Variants in DCAF10 observed in about 807,000 individuals in gnomAD.
The protein encoded by DCAF10 is DDB1 and CUL4 associated factor 10, also known as DDB1- and CUL4-associated factor 10.
In DCAF10, 19 loss-of-function variants were observed where a neutral mutation model predicts 51.9. That is an observed-to-expected ratio of 0.37 (90% confidence interval 0.26 to 0.54). The LOEUF is 0.54. DCAF10 is among the 20% of genes least tolerant of loss of function. The pLI is 0.87. For synonymous variants in DCAF10, 291 were observed against 297.1 expected (o/e 0.98, Z 0.21); for missense variants, 510 against 730.6 (o/e 0.70, Z 3.48).
intron 4 of DCAF10, among the ~76,000 whole-genome samples, chr9:37,856,770 T>C (rs1326021366): frequency 1.3e-5 from 2 of 152,076 alleles, no homozygotes; most frequent in East Asian, 3.9e-4. Flanking sequence ...CTGGGCAACA[T>C]AGCAAGATCC....
At chr9:37,816,042 C>T (rs947324671) in intron 1 of DCAF10, among the ~76,000 whole-genome samples, 1 of 152,154 alleles carries the variant, frequency 6.6e-6, no homozygotes, top group African/African-American at 2.4e-5. Flanking sequence ...AATCTTTCCT[C>T]CTTGGTCTCC....
intron 3 of DCAF10, among the ~76,000 whole-genome samples, chr9:37,851,672 G>C (rs1178709485): frequency 6.6e-6 from 1 of 151,390 alleles, no homozygotes; most frequent in East Asian, 1.9e-4. Context: ...GCAGGCGCTT[G>C]TAATCCCGGT....
chr9:37,860,107 C>G lies in DCAF10; in HGVS notation c.1225C>G (p.His409Asp), dbSNP rs373004810. The change falls in exon 6 of 7, where the codon CAC (histidine) becomes GAC (aspartate). Residue 409 changes from histidine to aspartate, a missense_variant. By Grantham distance (81) the His-to-Asp change is moderately conservative. Coordinates refer to ENST00000377724, the MANE Select transcript of DCAF10 (RefSeq NM_024345.5). Reference protein sequence around the residue: ...VTPEVLGESDHGNCITSLQLH... With the variant: ...VTPEVLGESDDGNCITSLQLH... ...CCCTGAAGTTCTTGGTGAGAGTGACCACGGAAACTGCATCACGTCCTTACA... is the reference window on the plus strand; with the variant it reads ...CCCTGAAGTTCTTGGTGAGAGTGACGACGGAAACTGCATCACGTCCTTACA... The G allele has an allele frequency of 1.2e-6, 2 of 1,613,944 alleles. No individual in the cohort carries two copies. The highest frequency in any genetic ancestry group is 2.7e-5 in the African/African-American group (2 of 74,878).
chr9:37,830,911 G>A (rs1395991857), intron 2 of DCAF10, among the ~76,000 whole-genome samples: 6 of 152,152 alleles, frequency 3.9e-5, no homozygotes, highest in Admixed American at 2.6e-4. Context: ...TTTGAAGCTC[G>A]TTTAGAAGTA....
At chr9:37,821,203 A>G (rs966633391) in intron 2 of DCAF10, among the ~76,000 whole-genome samples, 1 of 152,316 alleles carries the variant, frequency 6.6e-6, no homozygotes, top group East Asian at 1.9e-4. Flanking sequence ...TAACATGTTT[A>G]GAGATCATTT....
intron 2 of DCAF10, among the ~76,000 whole-genome samples, chr9:37,838,821 G>T (rs1830249248): frequency 6.6e-6 from 1 of 151,482 alleles, no homozygotes; most frequent in Admixed American, 6.6e-5. Context: ...AATGTAGGAG[G>T]TAGAGGTTGC....
chr9:37,862,105 G>A lies in DCAF10; in HGVS notation c.*597G>A, dbSNP rs948868602. 1.3e-5 allele frequency: 2 copies of A among 152,552 alleles called. No individual in the cohort carries two copies. Among genetic ancestry groups the A allele is most frequent in the African/African-American group, 2.4e-5 (1 of 41,434 alleles). The allele number at this position is 152,552 out of a possible 1,614,324, so 9.4% of individuals were successfully genotyped here. On this transcript the variant is annotated 3_prime_UTR_variant, in exon 7 of 7. Transcript: ENST00000377724. ...TGTTAAGATAGTCTTGCAACAAAAT[G>A]TCTTTTAAGTTTCCTGTTAAAATTA...
chr9:37,803,508 T>G (rs1829019519), intron 1 of DCAF10, among the ~76,000 whole-genome samples: 1 of 151,962 alleles, frequency 6.6e-6, no homozygotes, highest in African/African-American at 2.4e-5. Context: ...AAGATCATAC[T>G]AATTCTCATT....
chr9:37,827,917 C>T (rs983819946), intron 2 of DCAF10, among the ~76,000 whole-genome samples: 7 of 152,080 alleles, frequency 4.6e-5, no homozygotes, highest in African/African-American at 1.7e-4. Context: ...GAAAGTCTCC[C>T]TCTATTTTAG....
At chr9:37,834,236 C>T (rs990170603) in intron 2 of DCAF10, among the ~76,000 whole-genome samples, 1 of 152,064 alleles carries the variant, frequency 6.6e-6, no homozygotes, top group African/African-American at 2.4e-5. Context: ...CTGTGCCCAG[C>T]CATCTTTTTT....
chr9:37,850,081 T>C (rs1047604468), intron 3 of DCAF10, among the ~76,000 whole-genome samples: 10 of 152,074 alleles, frequency 6.6e-5, no homozygotes, highest in African/African-American at 2.4e-4. Context: ...TAGATAAAAG[T>C]GGGCCAAATT....
chr9:37,806,653 T>C (rs563673070), intron 1 of DCAF10, among the ~76,000 whole-genome samples: 1 of 152,324 alleles, frequency 6.6e-6, no homozygotes, highest in South Asian at 2.1e-4. Context: ...CATGGCAGGA[T>C]AGAATCTACA....
At chr9:37,850,741 C>CA (rs1830606312) in intron 3 of DCAF10, among the ~76,000 whole-genome samples, 1 of 148,016 alleles carries the variant, frequency 6.8e-6, no homozygotes, top group Admixed American at 6.9e-5. Context: ...TGACAATTTA[C>CA]TGTTGTTATT....
At chr9:37,825,082 C>CA (rs924479715) in intron 2 of DCAF10, among the ~76,000 whole-genome samples, 2 of 151,860 alleles carry the variant, frequency 1.3e-5, no homozygotes, top group South Asian at 2.1e-4. Context: ...ATTAAAAAGT[C>CA]AAAAAAATAC....
intron 1 of DCAF10, among the ~76,000 whole-genome samples, chr9:37,805,765 T>G (rs1312599078): frequency 6.6e-6 from 1 of 152,144 alleles, no homozygotes; most frequent in Admixed American, 6.5e-5. Flanking sequence ...TTGCAATAAC[T>G]ATAAGGTACT....
intron 3 of DCAF10, among the ~76,000 whole-genome samples, chr9:37,851,222 C>T (rs1444043279): frequency 2.0e-5 from 3 of 151,706 alleles, no homozygotes; most frequent in Non-Finnish European, 2.9e-5. Context: ...CCAGCTTGAG[C>T]GACAGAGTGG....
chr9:37,801,416 C>T lies in DCAF10; in HGVS notation c.539+11C>T. The T allele has an allele frequency of 6.9e-7, 1 of 1,452,218 alleles. No homozygotes were observed. The highest frequency in any genetic ancestry group is 9.1e-7 in the Non-Finnish European group (1 of 1,099,686). The allele number at this position is 1,452,218 out of a possible 1,614,324, so 90.0% of individuals were successfully genotyped here. ...GTACTCGCCCGACGGGTAAGCGCGGCCCCTCGGAGGGCGGGCGCCCGCCTC... is the reference window on the plus strand; with the variant it reads ...GTACTCGCCCGACGGGTAAGCGCGGTCCCTCGGAGGGCGGGCGCCCGCCTC... On this transcript the variant is annotated intron_variant, in intron 1 of 6. Coordinates refer to ENST00000377724, the MANE Select transcript of DCAF10 (RefSeq NM_024345.5). This position sits in a 1 kb window ranked among gnomAD's most constrained non-coding sequence, Gnocchi z 5.5.
At chr9:37,837,578 A>T (rs1830207764) in intron 2 of DCAF10, among the ~76,000 whole-genome samples, 1 of 151,854 alleles carries the variant, frequency 6.6e-6, no homozygotes, top group Admixed American at 6.6e-5. Context: ...TTGTTAGGAG[A>T]TGTCTGCTTT....
upstream of DCAF10, chr9:37,800,700 G>C: frequency 1.3e-6 from 2 of 1,535,926 alleles, no homozygotes; most frequent in Non-Finnish European, 1.7e-6. Flanking sequence ...CCCAAACCCG[G>C]CGGTGTCTCA....
Sources: gnomAD v4.1 joint callset for allele counts (sites outside exome capture counted in the v4.1 genomes callset) on GRCh38, gnomAD v4.1.1 for gene constraint, Gnocchi (gnomAD v3.1) non-coding constraint, MANE v1.5 for transcripts, NCBI Gene and HGNC (gene_info 2026-07-23, HGNC 2026-07-21) for gene names.